The following RAB25 variants were observed in gnomAD, a reference collection of about 807,000 sequenced individuals.
The protein encoded by RAB25 is ras-related protein Rab-25.
Under a neutral mutation model 25.2 loss-of-function variants are expected in RAB25, and 23 were observed. That is an observed-to-expected ratio of 0.91 (90% CI 0.66 to 1.29). The LOEUF (loss-of-function observed/expected upper bound fraction) is 1.29. RAB25 is among the 50% of genes most tolerant of loss of function. RAB25 has a pLI of 0.00. For missense variants in RAB25, 244 were observed against 277.3 expected, an observed-to-expected ratio of 0.88 and a Z score of 0.85; for synonymous variants, 102 against 111.5, an observed-to-expected ratio of 0.91 and a Z score of 0.54.
chr1:156,062,359 T>C (rs906478125), intron 1 of RAB25, among the ~76,000 whole-genome samples: 6 of 152,122 alleles, frequency 3.9e-5, no homozygotes, highest in South Asian at 4.1e-4. Context: ...CCTGGAAGCA[T>C]GCATGTATCT....
Position 156,070,394 on chromosome 1 carries a change from T to C in RAB25, c.*107T>C, listed in dbSNP as rs773920911. The C allele has an allele frequency of 8.7e-5, 125 of 1,432,298 alleles. No individual in the cohort carries two copies. The highest frequency in any genetic ancestry group is 1.1e-4 in the Non-Finnish European group (121 of 1,057,492). 88.7% of individuals were successfully genotyped at this position (1,432,298 alleles called of 1,614,324 possible). A position where few individuals can be genotyped will look rare whatever the true frequency, so the allele number is the denominator to read the frequency against. On this transcript the variant is annotated 3_prime_UTR_variant, in exon 5 of 5. Coordinates refer to ENST00000361084, the MANE Select transcript of RAB25 (RefSeq NM_020387.4). ...TGGTTCCAGATATCAGACTGTTCCC[T>C]GTTCACAGCACCCTCAGGGTCTTAA...
chr1:156,068,101 A>C (rs1647795504), intron 2 of RAB25, 169 bp from the exon 3 acceptor site: 1 of 590,836 alleles, frequency 1.7e-6, no homozygotes, highest in Non-Finnish European at 3.0e-6. Flanking sequence ...CCTGGAAGGC[A>C]GAGGAGCCTT....
At chr1:156,062,248 T>A (rs1369594063) in intron 1 of RAB25, among the ~76,000 whole-genome samples, 3 of 152,162 alleles carry the variant, frequency 2.0e-5, no homozygotes, top group Non-Finnish European at 4.4e-5. Flanking sequence ...CTGCAGAGTC[T>A]GATAGAATCC....
intron 1 of RAB25, among the ~76,000 whole-genome samples, chr1:156,061,728 C>G: frequency 6.6e-6 from 1 of 152,170 alleles, no homozygotes. Flanking sequence ...ACCCAAATCC[C>G]TGGTGTCAGC....
chr1:156,065,282 C>A (rs1647710536), intron 1 of RAB25, among the ~76,000 whole-genome samples: 1 of 152,168 alleles, frequency 6.6e-6, no homozygotes, highest in African/African-American at 2.4e-5. Flanking sequence ...GGTCTAACAC[C>A]CAGGCCCATG....
Position 156,061,355 on chromosome 1 carries a change from T to C in RAB25, c.-46T>C. 6.3e-7 allele frequency: 1 copy of C among 1,594,772 alleles called. No individual in the cohort carries two copies. The highest frequency in any genetic ancestry group is 1.1e-5 in the South Asian group (1 of 90,670). ...GGCATTGAGCCAACACACAGATTTG[T>C]CGCCTCTGTCCCCGAAGACACCTGC... On this transcript the variant is annotated 5_prime_UTR_variant, in exon 1 of 5. Coordinates refer to ENST00000361084, the MANE Select transcript of RAB25 (RefSeq NM_020387.4).
chr1:156,070,163 T>G lies in RAB25; in HGVS notation c.518T>G (p.Ile173Ser), dbSNP rs931795349. ...TCACTGCCCTCTGCCCTCCCAGAAA[T>G]CTTTGCGAAGGTGTCCAAGCAGAGA... ...ELAFETVLKEIFAKVSKQRQN... is the reference protein window; with the variant it reads ...ELAFETVLKESFAKVSKQRQN... The change falls in exon 5 of 5, where the codon ATC becomes AGC. Residue 173 changes from isoleucine to serine, a missense_variant. Ile to Ser is a moderately radical substitution (Grantham distance 142). Transcript: ENST00000361084. The G allele has an allele frequency of 6.2e-7, 1 of 1,613,960 alleles. No individual in the cohort carries two copies. Among genetic ancestry groups the G allele is most frequent in the African/African-American group, 1.3e-5 (1 of 74,970 alleles).
chr1:156,066,362 A>C (rs1417179111), intron 2 of RAB25: 2 of 354,706 alleles, frequency 5.6e-6, no homozygotes, highest in African/African-American at 2.1e-5. Context: ...CCAGGAAGGG[A>C]CAAGTTACTT....
At chr1:156,067,262 C>T (rs1380618176) in intron 2 of RAB25, among the ~76,000 whole-genome samples, 2 of 151,110 alleles carry the variant, frequency 1.3e-5, no homozygotes, top group Non-Finnish European at 2.9e-5. Flanking sequence ...AAGAAAGTGT[C>T]TTCCAGTCAG....
At chr1:156,064,833 C>G (rs770063466) in intron 1 of RAB25, among the ~76,000 whole-genome samples, 1 of 152,222 alleles carries the variant, frequency 6.6e-6, no homozygotes, top group Non-Finnish European at 1.5e-5. Flanking sequence ...GAGCAGGGAC[C>G]AGAGCCCACA....
chr1:156,065,541 C>A (rs1245477186), intron 1 of RAB25, among the ~76,000 whole-genome samples: 1 of 152,184 alleles, frequency 6.6e-6, no homozygotes, highest in Non-Finnish European at 1.5e-5. Flanking sequence ...TAGTCCAGAA[C>A]TGTGCACCCC....
At chr1:156,064,630 G>A (rs918203228) in intron 1 of RAB25, among the ~76,000 whole-genome samples, 1 of 152,130 alleles carries the variant, frequency 6.6e-6, no homozygotes, top group Non-Finnish European at 1.5e-5. Context: ...ACCCAGGGTG[G>A]TCTCAAACTT....
rs751761995 is a variant in RAB25 at position 156,065,957 on chromosome 1, C to A, written c.90C>A (p.Ser30=). 1.2e-6 allele frequency: 2 copies of A among 1,613,374 alleles called. No individual in the cohort carries two copies. The highest frequency in any genetic ancestry group is 1.7e-6 in the Non-Finnish European group (2 of 1,179,516). The change falls in exon 2 of 5, where the codon TCC becomes TCA. Residue 30 remains serine, a synonymous_variant. Coordinates refer to ENST00000361084, the MANE Select transcript of RAB25 (RefSeq NM_020387.4). ...GTGTGGGGAAGACCAATCTACTCTC[C>A]CGATTCACGCGCAATGAGTTCAGCC... The part of the protein sequence containing the change: ...ESGVGKTNLL[S]RFTRNEFSHD...
In RAB25 at chr1:156,068,427, C is replaced by T. The variant is rs776847118; in HGVS notation, c.397C>T (p.Arg133Trp). 11 of 1,613,692 alleles carry T rather than the reference C, an allele frequency of 6.8e-6. No homozygotes were observed. Among genetic ancestry groups the T allele is most frequent in the South Asian group, 4.4e-5 (4 of 91,070 alleles). Reference sequence around the variant, plus strand: ...TAACAAAAGTGACCTCAGCCAGGCCCGGGAAGTGCCCACTGAGGAGGCCCG... The same window carrying T: ...TAACAAAAGTGACCTCAGCCAGGCCTGGGAAGTGCCCACTGAGGAGGCCCG... ...VGNKSDLSQA[R>W]EVPTEEARMF... is the part of the protein sequence containing the mutation. The change falls in exon 3 of 5, where the codon CGG (arginine) becomes TGG (tryptophan). Residue 133 changes from arginine to tryptophan, a missense_variant. Arg to Trp is a moderately radical substitution (Grantham distance 101, BLOSUM62 -3). Coordinates refer to ENST00000361084, the MANE Select transcript of RAB25 (RefSeq NM_020387.4).
rs199691333 is a variant in RAB25 at position 156,070,189 on chromosome 1, C to G, written c.544C>G (p.Gln182Glu). 1,617 of 1,614,092 alleles carry G rather than the reference C, an allele frequency of 1.0e-3. No individual in the cohort carries two copies. Among genetic ancestry groups the G allele is most frequent in the Non-Finnish European group, 1.3e-3 (1,495 of 1,180,014 alleles). The change falls in exon 5 of 5, where the codon CAG becomes GAG. Residue 182 changes from glutamine to glutamate, a missense_variant. Transcript: ENST00000361084. ...CTTTGCGAAGGTGTCCAAGCAGAGA[C>G]AGAACAGCATCCGGACCAATGCCAT... Reference protein sequence around the residue: ...EIFAKVSKQRQNSIRTNAITL... With the variant: ...EIFAKVSKQRENSIRTNAITL...
chr1:156,064,896 G>A (rs1021311387), intron 1 of RAB25, among the ~76,000 whole-genome samples: 1 of 152,108 alleles, frequency 6.6e-6, no homozygotes, highest in African/African-American at 2.4e-5. Flanking sequence ...AACCACTCTG[G>A]GTGGCCTCCT....
chr1:156,061,170 G>T lies in RAB25; in HGVS notation c.-231G>T. 1 of 457,388 alleles carries T rather than the reference G, an allele frequency of 2.2e-6. No homozygotes were observed. The highest frequency in any genetic ancestry group is 3.6e-5 in the Admixed American group (1 of 27,416). The allele number at this position is 457,388 out of a possible 1,614,324, so 28.3% of individuals were successfully genotyped here. A position where few individuals can be genotyped will look rare whatever the true frequency, so the allele number is the denominator to read the frequency against. ...CCCGCTCTTCCTGTTCTCAGCTTCCGTCCTCTCTGCTTCCTTACAGCACCC... is the reference window on the plus strand; with the variant it reads ...CCCGCTCTTCCTGTTCTCAGCTTCCTTCCTCTCTGCTTCCTTACAGCACCC... On this transcript the variant is annotated 5_prime_UTR_variant, in exon 1 of 5. Transcript: ENST00000361084.
At chr1:156,061,711 A>G (rs550954759) in intron 1 of RAB25, among the ~76,000 whole-genome samples, 1 of 152,222 alleles carries the variant, frequency 6.6e-6, no homozygotes, top group African/African-American at 2.4e-5. Flanking sequence ...CCCCGTTCCT[A>G]ATAGAAACCC....
chr1:156,061,433 T>C lies in RAB25; in HGVS notation c.33T>C (p.Phe11=), dbSNP rs1162589587. Residue 11 remains phenylalanine (F), a synonymous_variant, in exon 1 of 5, where the codon TTT becomes TTC. Transcript: ENST00000361084. ...ATGGAACTGAGGAAGATTATAACTTTGTCTTCAAGGGTGAGTTGGGTTCCC... is the reference window on the plus strand; with the variant it reads ...ATGGAACTGAGGAAGATTATAACTTCGTCTTCAAGGGTGAGTTGGGTTCCC... The part of the protein sequence containing the change: MGNGTEEDYN[F]VFKVVLIGES... The C allele has an allele frequency of 1.9e-6, 3 of 1,613,900 alleles. No homozygotes were observed. The highest frequency in any genetic ancestry group is 4.5e-5 in the East Asian group (2 of 44,888).
Sources: allele counts gnomAD v4.1 joint callset (sites outside exome capture counted in the v4.1 genomes callset), GRCh38; gene constraint gnomAD v4.1.1; transcripts MANE v1.5; gene names NCBI Gene and HGNC (gene_info 2026-07-23, HGNC 2026-07-21).